Variants in SPIDR observed in about 807,000 individuals in gnomAD.
SPIDR encodes the protein scaffold protein involved in DNA repair.
Under a neutral mutation model 104.6 loss-of-function variants are expected in SPIDR, and 93 were observed. The observed-to-expected ratio is 0.89, with a 90% confidence interval of 0.75 to 1.06. The LOEUF is 1.06. SPIDR is among the 50% of genes least tolerant of loss of function. The probability of loss-of-function intolerance (pLI) is 0.00; values close to 1 mark genes in which losing one functional copy is unlikely to be tolerated. For synonymous variants in SPIDR, 431 were observed against 416.9 expected, an observed-to-expected ratio of 1.03 and a Z score of -0.41; for missense variants, 1,154 against 1,111.2, an observed-to-expected ratio of 1.04 and a Z score of -0.55.
chr8:47,379,425 T>G (rs2154299367), intron 5 of SPIDR, among the ~76,000 whole-genome samples: 1 of 152,124 alleles, frequency 6.6e-6, no homozygotes, highest in South Asian at 2.1e-4. Context: ...CACCTGCAGT[T>G]CCAGCTACTC....
chr8:47,291,023 C>A lies in SPIDR; in HGVS notation c.257-10C>A. 6.3e-7 allele frequency: 1 copy of A among 1,593,350 alleles called. No homozygotes were observed. Among genetic ancestry groups the A allele is most frequent in the Non-Finnish European group, 8.6e-7 (1 of 1,165,146 alleles). ...AGATCATATTTATGTGCTTTCTTTT[C>A]CTTCAACAGAAACCACCACATCTAA... On this transcript the variant is annotated splice_polypyrimidine_tract_variant and intron_variant, in intron 3 of 19. Coordinates refer to ENST00000297423, the MANE Select transcript of SPIDR (RefSeq NM_001080394.4).
chr8:47,326,161 G>A (rs557697259), intron 5 of SPIDR, among the ~76,000 whole-genome samples: 4 of 151,996 alleles, frequency 2.6e-5, no homozygotes, highest in Admixed American at 6.6e-5. Flanking sequence ...CGTCCTGCTC[G>A]TTTCTGTATT....
intron 7 of SPIDR, among the ~76,000 whole-genome samples, chr8:47,433,109 A>C (rs2067649586): frequency 6.6e-6 from 1 of 152,160 alleles, no homozygotes; most frequent in Non-Finnish European, 1.5e-5. Flanking sequence ...TGCTCAGGCC[A>C]AACCCACTGG....
chr8:47,735,573 A>G lies in SPIDR; in HGVS notation c.*123A>G. 1 of 1,532,588 alleles carries G rather than the reference A, an allele frequency of 6.5e-7. No individual in the cohort carries two copies. The allele number at this position is 1,532,588 out of a possible 1,614,324, so 94.9% of individuals were successfully genotyped here. A position where few individuals can be genotyped will look rare whatever the true frequency, so the allele number is the denominator to read the frequency against. On this transcript the variant is annotated 3_prime_UTR_variant, in exon 20 of 20. Transcript: ENST00000297423. ...AACGTAGTTTACGATCTTGAAATGAAACTTAGATTTTTCTGGGGAAATGTT... is the reference window on the plus strand; with the variant it reads ...AACGTAGTTTACGATCTTGAAATGAGACTTAGATTTTTCTGGGGAAATGTT...
chr8:47,541,887 C>A (rs764344213), intron 8 of SPIDR, among the ~76,000 whole-genome samples: 1 of 152,070 alleles, frequency 6.6e-6, no homozygotes, highest in African/African-American at 2.4e-5. Context: ...GCCGAGATTG[C>A]GCCACTGCAC....
intron 8 of SPIDR, among the ~76,000 whole-genome samples, chr8:47,555,181 T>C (rs1332579653): frequency 1.3e-5 from 2 of 152,214 alleles, no homozygotes; most frequent in East Asian, 3.8e-4. Context: ...GGGTAGATTT[T>C]AGAAGCTGTA....
At chr8:47,277,926 G>A (rs1332210210) in intron 1 of SPIDR, among the ~76,000 whole-genome samples, 3 of 151,992 alleles carry the variant, frequency 2.0e-5, no homozygotes, top group Non-Finnish European at 4.4e-5. Context: ...GCCCGCCTTG[G>A]CCTCCCAGAG....
At chr8:47,343,454 G>C (rs1347305622) in intron 5 of SPIDR, among the ~76,000 whole-genome samples, 1 of 152,304 alleles carries the variant, frequency 6.6e-6, no homozygotes, top group South Asian at 2.1e-4. Flanking sequence ...TTACCAACTT[G>C]TCCAAGTTCA....
chr8:47,366,635 T>A (rs2057257622), intron 5 of SPIDR, among the ~76,000 whole-genome samples: 1 of 152,178 alleles, frequency 6.6e-6, no homozygotes, highest in African/African-American at 2.4e-5. Flanking sequence ...AAAGTGGAGA[T>A]CTTGGCAGGC....
At chr8:47,403,594 C>G (rs1373772421) in intron 6 of SPIDR, among the ~76,000 whole-genome samples, 1 of 152,122 alleles carries the variant, frequency 6.6e-6, no homozygotes, top group Non-Finnish European at 1.5e-5. Context: ...AGTGAACTCC[C>G]ATTCACAATT....
rs2063708536 is a variant in SPIDR at position 47,412,686 on chromosome 8, A to G, written c.877+4725A>G. 2.0e-5 allele frequency among the ~76,000 whole-genome samples: 3 copies of G among 152,210 alleles called. No individual in the cohort carries two copies. The South Asian group carries it at 6.2e-4, about 32-fold the overall frequency. ...ATCAGCAGGAACTATTTGTAATTCT[A>G]CAGTATGTTATCTCATTTTAGTCTT... On this transcript the variant is annotated intron_variant, in intron 7 of 19. Transcript: ENST00000297423.
chr8:47,498,524 G>A, intron 8 of SPIDR, among the ~76,000 whole-genome samples: 1 of 152,164 alleles, frequency 6.6e-6, no homozygotes, highest in East Asian at 1.9e-4. Flanking sequence ...CAGTGTTTAT[G>A]ACCTTCCCAG....
At chr8:47,278,890 A>C (rs7817060) in intron 1 of SPIDR, among the ~76,000 whole-genome samples, 13,674 of 151,514 alleles carry the variant, frequency 0.09, 794 homozygotes, top group African/African-American at 0.17. Flanking sequence ...GATAGCTTTT[A>C]TTTTTCTTTT....
At chr8:47,380,540 G>A (rs529177792) in intron 5 of SPIDR, among the ~76,000 whole-genome samples, 14 of 152,010 alleles carry the variant, frequency 9.2e-5, no homozygotes, top group East Asian at 5.8e-4. Context: ...CTTGAGCCTC[G>A]TGATTCCCCT....
intron 14 of SPIDR, among the ~76,000 whole-genome samples, chr8:47,711,598 C>A (rs1005151178): frequency 7.2e-5 from 11 of 152,128 alleles, no homozygotes; most frequent in African/African-American, 2.4e-4. Flanking sequence ...CATTGCCTCT[C>A]TGCCCTCTCA....
At chr8:47,718,845 A>G (rs888973590) in intron 16 of SPIDR, among the ~76,000 whole-genome samples, 1 of 152,088 alleles carries the variant, frequency 6.6e-6, no homozygotes, top group African/African-American at 2.4e-5. Flanking sequence ...GACGTGTGCC[A>G]TGGTGGTTTG....
chr8:47,349,974 A>G (rs1353792073), intron 5 of SPIDR, among the ~76,000 whole-genome samples: 1 of 152,130 alleles, frequency 6.6e-6, no homozygotes, highest in African/African-American at 2.4e-5. Flanking sequence ...CGTGGGCTGC[A>G]CCCACTGTCC....
At chr8:47,475,094 G>A (rs782568436) in intron 8 of SPIDR, among the ~76,000 whole-genome samples, 1 of 152,194 alleles carries the variant, frequency 6.6e-6, no homozygotes, top group Non-Finnish European at 1.5e-5. Flanking sequence ...ACATGACAGT[G>A]GACAAATAAG....
chr8:47,730,045 A>G (rs551996173), intron 19 of SPIDR, among the ~76,000 whole-genome samples: 1 of 152,200 alleles, frequency 6.6e-6, no homozygotes, highest in South Asian at 2.1e-4. Context: ...TTACAGCACC[A>G]CAGTCTTCAG....
Sources: allele counts gnomAD v4.1 joint callset (sites outside exome capture counted in the v4.1 genomes callset), GRCh38; gene constraint gnomAD v4.1.1; transcripts MANE v1.5; gene names NCBI Gene and HGNC (gene_info 2026-07-23, HGNC 2026-07-21).